The following PELI2 variants were observed in gnomAD, a reference collection of about 807,000 sequenced individuals.
PELI2 encodes the protein pellino E3 ubiquitin protein ligase family member 2.
A neutral mutation model predicts 42.3 loss-of-function variants in PELI2; 23 were observed. The ratio of observed to expected loss-of-function variants is 0.54; its 90% CI spans 0.39 to 0.77. The LOEUF is 0.77. PELI2 is among the 30% of genes least tolerant of loss of function. The pLI is 0.00. For missense variants in PELI2, 463 were observed against 553.2 expected (o/e 0.84, Z 1.64); for synonymous variants, 245 against 212.2 (o/e 1.15, Z -1.34).
intron 2 of PELI2, among the ~76,000 whole-genome samples, chr14:56,179,972 A>G (rs1437542935): frequency 6.6e-6 from 1 of 152,194 alleles, no homozygotes; most frequent in East Asian, 1.9e-4. Flanking sequence ...TTGTGATAGA[A>G]TGAAAATTTG....
At chr14:56,233,274 G>A (rs192023901) in intron 2 of PELI2, among the ~76,000 whole-genome samples, 9 of 152,140 alleles carry the variant, frequency 5.9e-5, no homozygotes, top group East Asian at 5.8e-4. Flanking sequence ...ACATGGAACC[G>A]AAAAAAGAGC....
chr14:56,181,256 C>A (rs762043361), intron 2 of PELI2, among the ~76,000 whole-genome samples: 7 of 151,918 alleles, frequency 4.6e-5, no homozygotes, highest in African/African-American at 1.2e-4. Flanking sequence ...TATCTTAATT[C>A]CACTCCAGAT....
chr14:56,252,647 A>G lies in PELI2; in HGVS notation c.208-27029A>G, dbSNP rs780355061. 7.2e-5 allele frequency among the ~76,000 whole-genome samples: 11 copies of G among 152,246 alleles called. No individual in the cohort carries two copies. The South Asian group carries it at 8.3e-4, about 12-fold the overall frequency. ...CAGCTTCTTGCAAGAGAGAGGAGAT[A>G]GAGGGAGAGCGAGACGTCTGGAAAA... On this transcript the variant is annotated intron_variant, in intron 2 of 5. Coordinates refer to ENST00000267460, the MANE Select transcript of PELI2 (RefSeq NM_021255.3).
intron 2 of PELI2, among the ~76,000 whole-genome samples, chr14:56,262,417 T>C (rs781665154): frequency 3.3e-5 from 5 of 152,252 alleles, no homozygotes; most frequent in African/African-American, 4.8e-5. Flanking sequence ...TTGATTGTTT[T>C]ATTATAAGCA....
At chr14:56,203,792 G>A (rs1172242366) in intron 2 of PELI2, among the ~76,000 whole-genome samples, 1 of 152,156 alleles carries the variant, frequency 6.6e-6, no homozygotes, top group Non-Finnish European at 1.5e-5. Flanking sequence ...GTTTTGGAAA[G>A]GGATTATGGC....
chr14:56,176,439 G>A (rs1885388662), intron 1 of PELI2, among the ~76,000 whole-genome samples: 1 of 152,154 alleles, frequency 6.6e-6, no homozygotes, highest in South Asian at 2.1e-4. Context: ...CAGTGGCGGT[G>A]GGTTGAGCGG....
chr14:56,274,896 A>G (rs1018446504), intron 2 of PELI2, among the ~76,000 whole-genome samples: 3 of 152,220 alleles, frequency 2.0e-5, no homozygotes, highest in Non-Finnish European at 1.5e-5. Context: ...GCCCAGTTAT[A>G]TTTTAACCTA....
At chr14:56,120,593 G>T (rs1318425592) in intron 1 of PELI2, among the ~76,000 whole-genome samples, 1 of 152,210 alleles carries the variant, frequency 6.6e-6, no homozygotes, top group African/African-American at 2.4e-5. Flanking sequence ...TAGGGGGCGA[G>T]ACACTCAACC....
intron 2 of PELI2, among the ~76,000 whole-genome samples, chr14:56,249,924 G>T (rs1888285778): frequency 6.6e-6 from 1 of 152,184 alleles, no homozygotes; most frequent in African/African-American, 2.4e-5. Context: ...ATTTTTGGGA[G>T]ATCTGTTTGA....
At chr14:56,189,016 C>T (rs147364774) in intron 2 of PELI2, among the ~76,000 whole-genome samples, 129 of 152,150 alleles carry the variant, frequency 8.5e-4, no homozygotes, top group African/African-American at 2.9e-3. Flanking sequence ...AAAAATCAGC[C>T]GGGTGTGGTG....
chr14:56,278,612 C>G (rs2139871084), intron 2 of PELI2, among the ~76,000 whole-genome samples: 1 of 152,236 alleles, frequency 6.6e-6, no homozygotes, highest in East Asian at 1.9e-4. Flanking sequence ...ATTAAATAAC[C>G]ATGAGATTAA....
chr14:56,229,325 A>G (rs1887475013), intron 2 of PELI2, among the ~76,000 whole-genome samples: 1 of 152,186 alleles, frequency 6.6e-6, no homozygotes, highest in Non-Finnish European at 1.5e-5. Flanking sequence ...GAGTAGCCCA[A>G]CTGGAAGACA....
chr14:56,162,123 C>T (rs910209548), intron 1 of PELI2, among the ~76,000 whole-genome samples: 2 of 152,104 alleles, frequency 1.3e-5, no homozygotes, highest in African/African-American at 2.4e-5. Context: ...ACACACAATC[C>T]GATTACATTC....
chr14:56,227,134 C>G (rs1887385832), intron 2 of PELI2, among the ~76,000 whole-genome samples: 1 of 152,142 alleles, frequency 6.6e-6, no homozygotes, highest in South Asian at 2.1e-4. Context: ...CTTCCAGTTG[C>G]TCAACATTTC....
chr14:56,301,431 T>C lies in PELI2; in HGVS notation c.*4265T>C, dbSNP rs2139922130. 1 of 152,750 alleles carries C rather than the reference T, an allele frequency of 6.5e-6. No homozygotes were observed. Among genetic ancestry groups the C allele is most frequent in the East Asian group, 1.9e-4 (1 of 5,190 alleles). The allele number at this position is 152,750 out of a possible 1,614,324, so 9.5% of individuals were successfully genotyped here. A position where few individuals can be genotyped will look rare whatever the true frequency, so the allele number is the denominator to read the frequency against. ...CAAGTTAATCTCCAGCTGTTGAGTT[T>C]ATTAATTGTTTTATATTCTGCACAA... On this transcript the variant is annotated 3_prime_UTR_variant, in exon 6 of 6. Transcript: ENST00000267460.
chr14:56,290,236 C>T (rs767022380), intron 4 of PELI2, 32 bp from the exon 5 acceptor site: 6 of 1,456,786 alleles, frequency 4.1e-6, no homozygotes, highest in African/African-American at 2.8e-5. Context: ...TCATCTTAAC[C>T]TACTTTTTCT....
intron 2 of PELI2, among the ~76,000 whole-genome samples, chr14:56,271,167 T>C (rs1889091860): frequency 6.6e-6 from 1 of 152,186 alleles, no homozygotes; most frequent in Admixed American, 6.5e-5. Context: ...CATCACAGTG[T>C]GCACAGTGCT....
chr14:56,192,640 TC>T (rs1015874202), intron 2 of PELI2, among the ~76,000 whole-genome samples: 2 of 152,198 alleles, frequency 1.3e-5, no homozygotes, highest in Non-Finnish European at 2.9e-5. Flanking sequence ...GAAGTCAAAT[TC>T]CTTGGATTGA....
chr14:56,187,095 A>G (rs779169291), intron 2 of PELI2, among the ~76,000 whole-genome samples: 3 of 152,136 alleles, frequency 2.0e-5, no homozygotes, highest in Non-Finnish European at 4.4e-5. Context: ...ATGTTGACCT[A>G]AGTCACTAAG....
Sources: allele counts gnomAD v4.1 joint callset (sites outside exome capture counted in the v4.1 genomes callset), GRCh38; gene constraint gnomAD v4.1.1; transcripts MANE v1.5; gene names NCBI Gene and HGNC (gene_info 2026-07-23, HGNC 2026-07-21).